Variants in CLCA4 observed in about 807,000 individuals in gnomAD.
CLCA4 encodes the protein chloride channel accessory 4.
Under a neutral mutation model 78.9 loss-of-function variants are expected in CLCA4, and 69 were observed. The observed-to-expected ratio is 0.87, with a 90% CI of 0.72 to 1.07. The LOEUF (loss-of-function observed/expected upper bound fraction) is 1.07. Ranked by LOEUF, CLCA4 falls within the 50% of genes least tolerant of loss-of-function variation. The pLI, the probability that CLCA4 is intolerant of heterozygous loss-of-function variation, is 0.00. For missense variants in CLCA4, 1,133 were observed against 1,095.8 expected, an observed-to-expected ratio of 1.03 and a Z score of -0.48; for synonymous variants, 362 against 375.8, an observed-to-expected ratio of 0.96 and a Z score of 0.42.
Position 86,560,048 on chromosome 1 carries a change from G to A in CLCA4, c.276G>A (p.Arg92=), listed in dbSNP as rs1649969022. ...ENWKENPQYK[R]PKHENHKHAD... ...GGAAGGAAAATCCTCAGTACAAAAG[G>A]CCAAAACATGAAAACCATAAACATG... The change falls in exon 2 of 14, where the codon AGG becomes AGA. Residue 92 remains arginine (R), a synonymous_variant. Transcript: ENST00000370563. 1 of 1,596,818 alleles carries A rather than the reference G, an allele frequency of 6.3e-7. No homozygotes were observed. Among genetic ancestry groups the A allele is most frequent in the Non-Finnish European group, 8.5e-7 (1 of 1,175,362 alleles).
chr1:86,564,365 T>C (rs564422456), intron 4 of CLCA4, among the ~76,000 whole-genome samples: 1 of 152,112 alleles, frequency 6.6e-6, no homozygotes, highest in Non-Finnish European at 1.5e-5. Flanking sequence ...AACTGAAAGG[T>C]ATATGATTTC....
rs1365262164 is a variant in CLCA4, at chr1:86,580,543, T to C, written c.*198T>C. ...CATGGATATGTAAAAACTGTCAAGA[T>C]TAAAATTTAATAGTTTCATTTATTT... is the stretch of plus-strand genomic sequence containing the variant. On this transcript the variant is annotated 3_prime_UTR_variant, in exon 14 of 14. Transcript: ENST00000370563. 2.5e-6 allele frequency: 1 copy of C among 404,384 alleles called. No individual in the cohort carries two copies. The highest frequency in any genetic ancestry group is 2.1e-5 in the African/African-American group (1 of 48,556). 25.0% of individuals were successfully genotyped at this position (404,384 alleles called of 1,614,324 possible).
rs762979431 is a variant in CLCA4 at position 86,579,409 on chromosome 1, C to T, written c.2178C>T (p.Thr726=). The change falls in exon 13 of 14, where the codon ACC becomes ACT. Residue 726 remains threonine, a synonymous_variant. Transcript: ENST00000370563. ...AAATTGATGAGGATACTCAGACCAC[C>T]TTGGAGGATTTCAGCCGAACAGCAT... is the stretch of plus-strand genomic sequence containing the variant. ...RPEIDEDTQT[T]LEDFSRTASG... 2 of 1,613,148 alleles carry T rather than the reference C, an allele frequency of 1.2e-6. No homozygotes were observed. Among genetic ancestry groups the T allele is most frequent in the Non-Finnish European group, 1.7e-6 (2 of 1,179,536 alleles).
In CLCA4 at chr1:86,575,512, G is replaced by A; in HGVS notation, c.1864G>A (p.Val622Ile). The change falls in exon 11 of 14, where the codon GTA becomes ATA. Residue 622 changes from valine (V) to isoleucine (I), a missense_variant. Val to Ile is a conservative substitution (Grantham distance 29, BLOSUM62 3). Coordinates refer to ENST00000370563, the MANE Select transcript of CLCA4 (RefSeq NM_012128.4). ...IVYAEILQGY[V>I]PVLGANVTAF... ...TTACGCAGAAATTCTACAAGGATAT[G>A]TACCTGTTCTTGGAGCCAATGTGAC... 6.2e-7 allele frequency: 1 copy of A among 1,613,386 alleles called. No individual in the cohort carries two copies. The highest frequency in any genetic ancestry group is 2.2e-5 in the East Asian group (1 of 44,846).
At chr1:86,564,012 T>A (rs1373111321) in intron 4 of CLCA4, among the ~76,000 whole-genome samples, 2 of 152,120 alleles carry the variant, frequency 1.3e-5, no homozygotes, top group Non-Finnish European at 2.9e-5. Flanking sequence ...CCTCCAGAAC[T>A]CACTTGCTTG....
At position 86,580,024 on chromosome 1, in the gene CLCA4, T is replaced by TTCAA; in HGVS notation, c.2439_2440insTCAA (p.Asp814SerfsTer17). On this transcript the variant is annotated frameshift_variant, in exon 14 of 14. Transcript: ENST00000370563. LOFTEE classifies it low-confidence loss of function (END_TRUNC). The stretch of plus-strand genomic sequence containing the variant: ...ATGATGCTCTTCAAGTAAATACTAC[T>TTCAA]GATCTGTCACCAAAGGAGGCCAACT... 1 of 1,611,292 alleles carries TTCAA rather than the reference T, an allele frequency of 6.2e-7. No individual in the cohort carries two copies. The highest frequency in any genetic ancestry group is 8.5e-7 in the Non-Finnish European group (1 of 1,177,902).
chr1:86,554,874 T>C (rs982279983), intron 1 of CLCA4, among the ~76,000 whole-genome samples: 7 of 151,700 alleles, frequency 4.6e-5, no homozygotes, highest in Non-Finnish European at 8.8e-5. Context: ...TTTTTTTTTT[T>C]ACTTTTTAAT....
chr1:86,559,960 T>A lies in CLCA4; in HGVS notation c.188T>A (p.Leu63Gln), dbSNP rs1186210722. Residue 63 changes from leucine (L) to glutamine (Q), a missense_variant, in exon 2 of 14, where the codon CTG becomes CAG. Physicochemically the swap from Leu to Gln is moderately radical, Grantham distance 113. Transcript: ENST00000370563. ...EDMVTTASTY[L>Q]FEATEKRFFF... ...ATGGTGACTACAGCTTCTACGTACC[T>A]GTTTGAAGCCACAGAAAAAAGATTT... 6.2e-7 allele frequency: 1 copy of A among 1,602,064 alleles called. No homozygotes were observed. Among genetic ancestry groups the A allele is most frequent in the Admixed American group, 1.7e-5 (1 of 57,238 alleles).
intron 7 of CLCA4, 144 bp downstream of exon 7, chr1:86,567,795 G>T: frequency 1.5e-6 from 1 of 650,084 alleles, no homozygotes; most frequent in Non-Finnish European, 2.6e-6. Flanking sequence ...ATAGAAAAAA[G>T]TTCTCTTGAT....
Position 86,560,287 on chromosome 1 carries a change from A to T in CLCA4, c.377A>T (p.Glu126Val), listed in dbSNP as rs1649977869. Residue 126 changes from glutamate to valine, a missense_variant, in exon 3 of 14, where the codon GAG becomes GTG. Physicochemically the swap from Glu to Val is moderately radical, Grantham distance 121. Transcript: ENST00000370563. Reference protein sequence around the residue: ...PYTKQFTECGEKGEYIHFTPD... With the variant: ...PYTKQFTECGVKGEYIHFTPD... Reference sequence around the variant, plus strand: ...ACCAAGCAGTTCACAGAATGTGGAGAGAAAGGCGAATACATTCACTTCACC... The same window carrying T: ...ACCAAGCAGTTCACAGAATGTGGAGTGAAAGGCGAATACATTCACTTCACC... The T allele has an allele frequency of 3.1e-6, 5 of 1,614,080 alleles. No homozygotes were observed. Among genetic ancestry groups the T allele is most frequent in the Non-Finnish European group, 4.2e-6 (5 of 1,179,926 alleles).
chr1:86,567,428 A>C lies in CLCA4; in HGVS notation c.959A>C (p.Lys320Thr). 6.2e-7 allele frequency: 1 copy of C among 1,608,070 alleles called. No individual in the cohort carries two copies. The highest frequency in any genetic ancestry group is 8.5e-7 in the Non-Finnish European group (1 of 1,176,524). The change falls in exon 7 of 14, where the codon AAG becomes ACG. Residue 320 changes from lysine (K) to threonine (T), a missense_variant. Physicochemically the swap from Lys to Thr is moderately conservative, Grantham distance 78. Transcript: ENST00000370563. ...TTTCTTGTCTTTTTAATCTAGGGTA[A>C]GGACCGCCTAAATCGAATGAATCAA... ...VLDKSGSMGG[K>T]DRLNRMNQAA...
chr1:86,560,540 G>A (rs1015430642), intron 3 of CLCA4, among the ~76,000 whole-genome samples, 182 bp downstream of exon 3: 3 of 152,232 alleles, frequency 2.0e-5, no homozygotes, highest in Admixed American at 6.5e-5. Context: ...CTACAAAATG[G>A]CAAAGAGAGG....
At chr1:86,563,942 T>TA (rs1252835003) in intron 4 of CLCA4, among the ~76,000 whole-genome samples, 173 bp downstream of exon 4, 7 of 152,150 alleles carry the variant, frequency 4.6e-5, no homozygotes, top group African/African-American at 1.7e-4. Context: ...AAAACATACA[T>TA]AATTTCAATG....
intron 7 of CLCA4, among the ~76,000 whole-genome samples, chr1:86,570,189 C>T (rs1650308583): frequency 6.6e-6 from 1 of 151,148 alleles, no homozygotes; most frequent in African/African-American, 2.4e-5. Flanking sequence ...TCCAAACCCT[C>T]TTCTGCAAAT....
chr1:86,580,339 C>T lies in CLCA4; in HGVS notation c.2754C>T (p.Thr918=). ...VVIVNFILST[T]I The stretch of plus-strand genomic sequence containing the variant: ...TTGTTAACTTTATTTTAAGTACCAC[C>T]ATTTGAACCTTAACGAAGAAAAAAA... Residue 918 remains threonine, a synonymous_variant, in exon 14 of 14, where the codon ACC becomes ACT. Coordinates refer to ENST00000370563, the MANE Select transcript of CLCA4 (RefSeq NM_012128.4). 2 of 1,572,348 alleles carry T rather than the reference C, an allele frequency of 1.3e-6. No homozygotes were observed. The highest frequency in any genetic ancestry group is 2.2e-5 in the East Asian group (1 of 44,474).
intron 11 of CLCA4, among the ~76,000 whole-genome samples, chr1:86,577,571 T>G (rs1650556192): frequency 6.6e-6 from 1 of 151,864 alleles, no homozygotes; most frequent in Admixed American, 6.6e-5. Context: ...AGCAACCCAG[T>G]GGTGGAGAAA....
At chr1:86,565,491 A>G in intron 5 of CLCA4, 40 bp downstream of exon 5, 3 of 1,425,904 alleles carry the variant, frequency 2.1e-6, no homozygotes, top group Non-Finnish European at 2.9e-6. Context: ...TTATAATCAA[A>G]TGACATATTG....
chr1:86,580,161 A>G lies in CLCA4; in HGVS notation c.2576A>G (p.Asn859Ser). The G allele has an allele frequency of 6.2e-7, 1 of 1,612,978 alleles. No homozygotes were observed. Among genetic ancestry groups the G allele is most frequent in the Non-Finnish European group, 8.5e-7 (1 of 1,179,414 alleles). The change falls in exon 14 of 14, where the codon AAC becomes AGC. Residue 859 changes from asparagine to serine, a missense_variant. Transcript: ENST00000370563. ...AGCAATTTGACATCAAAAGTATCCAACATTGCACAAGTAACTTTGTTTATC... is the reference window on the plus strand; with the variant it reads ...AGCAATTTGACATCAAAAGTATCCAGCATTGCACAAGTAACTTTGTTTATC... ...DKSNLTSKVS[N>S]IAQVTLFIPQ...
At chr1:86,547,540 A>T (rs1227580095) in intron 1 of CLCA4, among the ~76,000 whole-genome samples, 2 of 152,192 alleles carry the variant, frequency 1.3e-5, no homozygotes, top group African/African-American at 2.4e-5. Context: ...TTCCTATTGT[A>T]CTATCAAATA....
Sources: gnomAD v4.1 joint callset for allele counts (sites outside exome capture counted in the v4.1 genomes callset) on GRCh38, gnomAD v4.1.1 for gene constraint, MANE v1.5 for transcripts, NCBI Gene and HGNC (gene_info 2026-07-23, HGNC 2026-07-21) for gene names.